TLK1: variants seen among roughly 807,000 people sequenced by gnomAD.
TLK1 encodes the protein tousled like kinase 1.
Under a neutral mutation model 105.3 loss-of-function variants are expected in TLK1, and 24 were observed. That is an observed-to-expected ratio of 0.23 (90% CI 0.17 to 0.32). The LOEUF is 0.32. Ranked by LOEUF, TLK1 falls within the 10% of genes least tolerant of loss-of-function variation. The probability of loss-of-function intolerance (pLI) is 1.00; values close to 1 mark genes in which losing one functional copy is unlikely to be tolerated. For missense variants in TLK1, 558 were observed against 910.5 expected, an observed-to-expected ratio of 0.61 and a Z score of 4.98; for synonymous variants, 321 against 310.4, an observed-to-expected ratio of 1.03 and a Z score of -0.36.
Position 171,061,099 on chromosome 2 carries a change from G to C in TLK1, c.388C>G (p.Gln130Glu). Residue 130 changes from glutamine (Q) to glutamate (E), a missense_variant, in exon 4 of 21, where the codon CAG becomes GAG. Gln to Glu is a conservative substitution (Grantham distance 29, BLOSUM62 2). Coordinates refer to ENST00000431350, the MANE Select transcript of TLK1 (RefSeq NM_012290.5). ...SRGRKRKAENQNESSQGKSIG... is the reference protein window; with the variant it reads ...SRGRKRKAENENESSQGKSIG... ...TGCTTACCCTGACTACTTTCATTCT[G>C]GTTTTCTGCTTTTCTCTTTCTTCCC... The C allele has an allele frequency of 6.2e-7, 1 of 1,613,222 alleles. No individual in the cohort carries two copies. The highest frequency in any genetic ancestry group is 8.5e-7 in the Non-Finnish European group (1 of 1,179,558).
chr2:171,070,392 T>C (rs1419343559), intron 3 of TLK1, among the ~76,000 whole-genome samples: 2 of 152,138 alleles, frequency 1.3e-5, no homozygotes, highest in Non-Finnish European at 2.9e-5. Flanking sequence ...CTTTCTATTT[T>C]TGTACCCATT....
At chr2:171,032,535 C>T (rs1280335101) in intron 11 of TLK1, among the ~76,000 whole-genome samples, 2 of 151,986 alleles carry the variant, frequency 1.3e-5, no homozygotes, top group African/African-American at 2.4e-5. Flanking sequence ...TAAATTTAAC[C>T]CAGGAGGTGA....
chr2:171,087,790 C>G (rs1689048327), intron 2 of TLK1, among the ~76,000 whole-genome samples: 1 of 152,148 alleles, frequency 6.6e-6, no homozygotes, highest in Non-Finnish European at 1.5e-5. Flanking sequence ...ATGCTGGAGG[C>G]CAACTTCACT....
At chr2:171,109,233 G>T (rs1299850101) in intron 2 of TLK1, among the ~76,000 whole-genome samples, 1 of 152,102 alleles carries the variant, frequency 6.6e-6, no homozygotes, top group Admixed American at 6.5e-5. Flanking sequence ...CACATTCAGG[G>T]ACTGATGTCA....
intron 4 of TLK1, among the ~76,000 whole-genome samples, chr2:171,059,577 A>AT (rs996546333): frequency 2.7e-4 from 41 of 151,930 alleles, no homozygotes; most frequent in Admixed American, 2.2e-3. Flanking sequence ...AGATGGCCTG[A>AT]TTTTTTTTAA....
chr2:171,159,717 GC>G (rs1318593179), intron 1 of TLK1: 2 of 152,300 alleles, frequency 1.3e-5, no homozygotes, highest in South Asian at 4.1e-4. Context: ...GCTCTAGGGG[GC>G]CACACAGGGG....
chr2:171,066,844 T>C, intron 3 of TLK1: 1 of 1,551,470 alleles, frequency 6.4e-7, no homozygotes, highest in South Asian at 1.2e-5. Context: ...CAAATTACCT[T>C]GCCAGTAGTT....
intron 1 of TLK1, among the ~76,000 whole-genome samples, chr2:171,152,591 G>T (rs1225836004): frequency 6.6e-6 from 1 of 152,068 alleles, no homozygotes; most frequent in Admixed American, 6.6e-5. Flanking sequence ...CTTTTTTACA[G>T]ATTAGCTAGA....
chr2:171,064,564 C>A (rs1004799554), intron 3 of TLK1, among the ~76,000 whole-genome samples: 3 of 152,104 alleles, frequency 2.0e-5, no homozygotes, highest in African/African-American at 7.2e-5. Context: ...TTCTTTTATT[C>A]TCTATTTTTT....
At chr2:171,059,368 T>A (rs767130063) in intron 4 of TLK1, among the ~76,000 whole-genome samples, 1 of 152,198 alleles carries the variant, frequency 6.6e-6, no homozygotes, top group African/African-American at 2.4e-5. Context: ...ACATGGCACA[T>A]GTAACTTCAG....
intron 8 of TLK1, among the ~76,000 whole-genome samples, chr2:171,051,880 G>A (rs948045774): frequency 7.9e-5 from 12 of 152,132 alleles, no homozygotes; most frequent in African/African-American, 2.7e-4. Flanking sequence ...TTAATTAAAT[G>A]GGGATGAACA....
intron 2 of TLK1, among the ~76,000 whole-genome samples, chr2:171,096,365 C>A (rs752475398): frequency 4.6e-5 from 7 of 151,780 alleles, no homozygotes; most frequent in Non-Finnish European, 8.8e-5. Context: ...TTTTTAAAAT[C>A]CCACACAAAA....
At chr2:171,163,693 C>A (rs955835898), upstream of TLK1, among the ~76,000 whole-genome samples, 1 of 152,056 alleles carries the variant, frequency 6.6e-6, no homozygotes. Flanking sequence ...TTTCTCCCAA[C>A]CTTCTCCAGA....
At chr2:171,055,559 C>T (rs575084573) in intron 6 of TLK1, among the ~76,000 whole-genome samples, 3 of 151,966 alleles carry the variant, frequency 2.0e-5, no homozygotes, top group South Asian at 2.1e-4. Flanking sequence ...CAATAATACA[C>T]GCCCATATGT....
chr2:171,003,972 C>T (rs925779824), intron 18 of TLK1, among the ~76,000 whole-genome samples: 2 of 149,788 alleles, frequency 1.3e-5, no homozygotes, highest in African/African-American at 2.5e-5. Flanking sequence ...TTTTTTTTTT[C>T]GAGACGGAGT....
chr2:171,048,376 G>A (rs981531075), intron 10 of TLK1, among the ~76,000 whole-genome samples: 3 of 152,150 alleles, frequency 2.0e-5, no homozygotes, highest in Admixed American at 6.5e-5. Flanking sequence ...GGGTTTAGTA[G>A]CAGAGCCTCT....
At chr2:171,138,147 C>T (rs1046495673) in intron 1 of TLK1, among the ~76,000 whole-genome samples, 8 of 152,056 alleles carry the variant, frequency 5.3e-5, no homozygotes, top group African/African-American at 1.7e-4. Context: ...TGTAATTTAT[C>T]GTGTGAGCTT....
At chr2:171,127,122 C>A (rs1232318344) in intron 1 of TLK1, among the ~76,000 whole-genome samples, 9 of 151,494 alleles carry the variant, frequency 5.9e-5, no homozygotes, top group Non-Finnish European at 1.2e-4. Context: ...CTAAAAAATA[C>A]AAAAATTAGC....
At chr2:171,039,300 C>G (rs918203819) in intron 11 of TLK1, among the ~76,000 whole-genome samples, 4 of 152,178 alleles carry the variant, frequency 2.6e-5, no homozygotes, top group African/African-American at 9.7e-5. Context: ...AGATCTCACT[C>G]TGTCACCCAG....
Sources: allele counts gnomAD v4.1 joint callset (sites outside exome capture counted in the v4.1 genomes callset), GRCh38; gene constraint gnomAD v4.1.1; transcripts MANE v1.5; gene names NCBI Gene and HGNC (gene_info 2026-07-23, HGNC 2026-07-21).